Variants in HSPA1L observed in about 807,000 individuals in gnomAD.
The protein encoded by HSPA1L is heat shock protein family A (Hsp70) member 1 like, also known as heat shock 70 kDa protein 1-like.
HSPA1L carries 21 observed loss-of-function variants against 31.5 expected under a neutral mutation model. That is an observed-to-expected ratio of 0.67 (90% CI 0.47 to 0.96). The LOEUF (loss-of-function observed/expected upper bound fraction) is 0.96. Ranked by LOEUF, HSPA1L falls within the 40% of genes least tolerant of loss-of-function variation. HSPA1L has a pLI of 0.00. For synonymous variants in HSPA1L, 293 were observed against 323.1 expected (o/e 0.91, Z 1.00); for missense variants, 709 against 813.4 (o/e 0.87, Z 1.56).
chr6:31,813,485 A>G (rs1301553719), intron 1 of HSPA1L, among the ~76,000 whole-genome samples: 1 of 152,140 alleles, frequency 6.6e-6, no homozygotes, highest in African/African-American at 2.4e-5. Flanking sequence ...TTGTATTTTT[A>G]GTAAAAACAG....
intron 1 of HSPA1L, among the ~76,000 whole-genome samples, chr6:31,814,666 T>G: frequency 8.0e-6 from 1 of 125,382 alleles, no homozygotes; most frequent in South Asian, 2.9e-4. Flanking sequence ...CCTCCCCATT[T>G]CCCCGACAGG....
At position 31,810,902 on chromosome 6, in the gene HSPA1L, A is replaced by G. The variant is rs1581694801; in HGVS notation, c.1071T>C (p.Asn357=). ...KVQRLLQDYF[N]GRDLNKSINP... Reference sequence around the variant, plus strand: ...TGATGCTCTTGTTGAGATCACGTCCATTGAAGTAGTCCTGAAGCAGCCGCT... The same window carrying G: ...TGATGCTCTTGTTGAGATCACGTCCGTTGAAGTAGTCCTGAAGCAGCCGCT... The change falls in exon 2 of 2, where the codon AAT becomes AAC. Residue 357 remains asparagine (N), a synonymous_variant. Coordinates refer to ENST00000375654, the MANE Select transcript of HSPA1L (RefSeq NM_005527.4). 5.6e-6 allele frequency: 9 copies of G among 1,614,124 alleles called. No individual in the cohort carries two copies. The highest frequency in any genetic ancestry group is 7.6e-6 in the Non-Finnish European group (9 of 1,180,018).
At position 31,810,941 on chromosome 6, in the gene HSPA1L, G is replaced by T; in HGVS notation, c.1032C>A (p.Arg344=). 6.2e-7 allele frequency: 1 copy of T among 1,614,144 alleles called. No homozygotes were observed. The highest frequency in any genetic ancestry group is 8.5e-7 in the Non-Finnish European group (1 of 1,180,018). Reference sequence around the variant, plus strand: ...GAAGCAGCCGCTGCACCTTGGGGATGCGGGTGGAGCCCCCTACTAAAACAA... The same window carrying T: ...GAAGCAGCCGCTGCACCTTGGGGATTCGGGTGGAGCCCCCTACTAAAACAA... The part of the protein sequence containing the change: ...HDIVLVGGST[R]IPKVQRLLQD... Residue 344 remains arginine (R), a synonymous_variant, in exon 2 of 2, where the codon CGC becomes CGA. Coordinates refer to ENST00000375654, the MANE Select transcript of HSPA1L (RefSeq NM_005527.4).
Position 31,812,070 on chromosome 6 carries a change from C to T in HSPA1L, c.-13-85G>A, listed in dbSNP as rs541693232. ...TTGAGACAGGGTCTTCCTCTGTCAC[C>T]CAGGTTGGAGTGCAGAGGCGCAGTC... On this transcript the variant is annotated intron_variant, in intron 1 of 1. Coordinates refer to ENST00000375654, the MANE Select transcript of HSPA1L (RefSeq NM_005527.4). 3.0e-3 allele frequency: 4,460 copies of T among 1,479,700 alleles called. 11 individuals carry two copies. Among genetic ancestry groups the T allele is most frequent in the Middle Eastern group, 4.0e-3 (19 of 4,782 alleles). The allele number at this position is 1,479,700 out of a possible 1,614,324, so 91.7% of individuals were successfully genotyped here.
chr6:31,814,798 T>G (rs1490387944), intron 1 of HSPA1L, 91 bp downstream of exon 1: 1 of 690,012 alleles, frequency 1.4e-6, no homozygotes, highest in African/African-American at 2.0e-5. Flanking sequence ...ACCTCAGGCT[T>G]AAACCAACTA....
chr6:31,810,782 G>C lies in HSPA1L; in HGVS notation c.1191C>G (p.Asp397Glu). The C allele has an allele frequency of 6.2e-7, 1 of 1,614,112 alleles. No individual in the cohort carries two copies. The highest frequency in any genetic ancestry group is 8.5e-7 in the Non-Finnish European group (1 of 1,180,018). Reference protein sequence around the residue: ...SEKVQDLLLLDVAPLSLGLET... With the variant: ...SEKVQDLLLLEVAPLSLGLET... ...CCAGCCCCAGGGACAGGGGAGCCAC[G>C]TCCAGCAGCAGCAGGTCCTGTACCT... The change falls in exon 2 of 2, where the codon GAC becomes GAG. Residue 397 changes from aspartate to glutamate, a missense_variant. By Grantham distance (45) the Asp-to-Glu change is conservative. Transcript: ENST00000375654.
chr6:31,811,639 C>G lies in HSPA1L; in HGVS notation c.334G>C (p.Glu112Gln). ...TCCTCAGGGTAGAAAGCTTTATTCT[C>G]CCCTTTGTAGGACACAAGGACTTTG... ...KPKVLVSYKG[E>Q]NKAFYPEEIS... Residue 112 changes from glutamate to glutamine, a missense_variant, in exon 2 of 2, where the codon GAG becomes CAG. Coordinates refer to ENST00000375654, the MANE Select transcript of HSPA1L (RefSeq NM_005527.4). The G allele has an allele frequency of 6.2e-7, 1 of 1,614,186 alleles. No individual in the cohort carries two copies. The highest frequency in any genetic ancestry group is 8.5e-7 in the Non-Finnish European group (1 of 1,180,030).
At position 31,814,887 on chromosome 6, in the gene HSPA1L, A is replaced by C; in HGVS notation, c.-14+2T>G. 2.9e-5 allele frequency: 29 copies of C among 985,356 alleles called. No homozygotes were observed. The highest frequency in any genetic ancestry group is 3.5e-5 in the Non-Finnish European group (29 of 829,938). 61.0% of individuals were successfully genotyped at this position (985,356 alleles called of 1,614,324 possible). ...CAATCAATCAGATCCCTACTGGCTC[A>C]CCTAGTCTCCCGACGCCTTCGCTTC... is the stretch of plus-strand genomic sequence containing the variant. On this transcript the variant is annotated splice_donor_variant, in intron 1 of 1. Transcript: ENST00000375654. LOFTEE classifies it low-confidence loss of function (5UTR_SPLICE).
chr6:31,813,359 A>G (rs1401452593), intron 1 of HSPA1L, among the ~76,000 whole-genome samples: 1 of 152,188 alleles, frequency 6.6e-6, no homozygotes, highest in Non-Finnish European at 1.5e-5. Context: ...GCTGGAGTGC[A>G]GTGGCATGAT....
Position 31,811,274 on chromosome 6 carries a change from C to T in HSPA1L, c.699G>A (p.Glu233=). Residue 233 remains glutamate (E), a synonymous_variant, in exon 2 of 2, where the codon GAG becomes GAA. Coordinates refer to ENST00000375654, the MANE Select transcript of HSPA1L (RefSeq NM_005527.4). ...ATAGDTHLGG[E]DFDNRLVSHF... Reference sequence around the variant, plus strand: ...GGCTCACAAGCCTGTTGTCAAAGTCCTCCCCACCCAGGTGAGTGTCCCCAG... The same window carrying T: ...GGCTCACAAGCCTGTTGTCAAAGTCTTCCCCACCCAGGTGAGTGTCCCCAG... The T allele has an allele frequency of 6.2e-7, 1 of 1,614,128 alleles. No individual in the cohort carries two copies. The highest frequency in any genetic ancestry group is 8.5e-7 in the Non-Finnish European group (1 of 1,180,046).
At position 31,811,064 on chromosome 6, in the gene HSPA1L, T is replaced by C; in HGVS notation, c.909A>G (p.Arg303=). 1 of 1,614,158 alleles carries C rather than the reference T, an allele frequency of 6.2e-7. No homozygotes were observed. The highest frequency in any genetic ancestry group is 8.5e-7 in the Non-Finnish European group (1 of 1,180,022). ...ACAGGTCTGCACACAACTCTTCAAA[T>C]CGAGCTCTGGTGATGGATGTATAGA... ...IDFYTSITRA[R]FEELCADLFR... is the part of the protein sequence containing the mutation. The change falls in exon 2 of 2, where the codon CGA becomes CGG. Residue 303 remains arginine, a synonymous_variant. Transcript: ENST00000375654.
chr6:31,814,877 C>G lies in HSPA1L; in HGVS notation c.-14+12G>C. ...TTCAGGTTCACAATCAATCAGATCC[C>G]TACTGGCTCACCTAGTCTCCCGACG... On this transcript the variant is annotated intron_variant, in intron 1 of 1. Transcript: ENST00000375654. 1 of 984,694 alleles carries G rather than the reference C, an allele frequency of 1.0e-6. No individual in the cohort carries two copies. Among genetic ancestry groups the G allele is most frequent in the Non-Finnish European group, 1.2e-6 (1 of 829,318 alleles). 61.0% of individuals were successfully genotyped at this position (984,694 alleles called of 1,614,324 possible).
chr6:31,812,489 T>G (rs758513786), intron 1 of HSPA1L, among the ~76,000 whole-genome samples: 1 of 151,884 alleles, frequency 6.6e-6, no homozygotes, highest in Non-Finnish European at 1.5e-5. Context: ...CTGGCTAATG[T>G]TTTAATTTTG....
At chr6:31,812,928 C>A (rs1815535769) in intron 1 of HSPA1L, among the ~76,000 whole-genome samples, 1 of 151,890 alleles carries the variant, frequency 6.6e-6, no homozygotes, top group Non-Finnish European at 1.5e-5. Context: ...CTCATAGGAT[C>A]CTTTTGTCTC....
At position 31,810,846 on chromosome 6, in the gene HSPA1L, G is replaced by A. The variant is rs1461660496; in HGVS notation, c.1127C>T (p.Ala376Val). The A allele has an allele frequency of 4.3e-6, 7 of 1,614,062 alleles. No homozygotes were observed. Among genetic ancestry groups the A allele is most frequent in the South Asian group, 2.2e-5 (2 of 91,082 alleles). ...CCCCATCAGGATGGCTGCTTGTACC[G>A]CAGCCCCATATGCTACGGCCTCATC... Reference protein sequence around the residue: ...NPDEAVAYGAAVQAAILMGDK... With the variant: ...NPDEAVAYGAVVQAAILMGDK... Residue 376 changes from alanine (A) to valine (V), a missense_variant, in exon 2 of 2, where the codon GCG (alanine) becomes GTG (valine). Physicochemically the swap from Ala to Val is moderately conservative, Grantham distance 64 (BLOSUM62 0). Coordinates refer to ENST00000375654, the MANE Select transcript of HSPA1L (RefSeq NM_005527.4).
At position 31,811,771 on chromosome 6, in the gene HSPA1L, T is replaced by C. The variant is rs751654845; in HGVS notation, c.202A>G (p.Thr68Ala). 5 of 1,614,112 alleles carry C rather than the reference T, an allele frequency of 3.1e-6. No homozygotes were observed. The highest frequency in any genetic ancestry group is 1.1e-5 in the South Asian group (1 of 91,084). Residue 68 changes from threonine (T) to alanine (A), a missense_variant, in exon 2 of 2, where the codon ACT becomes GCT. Physicochemically the swap from Thr to Ala is moderately conservative, Grantham distance 58. Coordinates refer to ENST00000375654, the MANE Select transcript of HSPA1L (RefSeq NM_005527.4). ...ATCAGACGTTTAGCATCAAAAACAG[T>C]GTTCTGGGGATTCATTGCTACCTGG... ...KNQVAMNPQN[T>A]VFDAKRLIGR... is the part of the protein sequence containing the mutation.
At position 31,810,295 on chromosome 6, in the gene HSPA1L, A is replaced by T. The variant is rs1324473563; in HGVS notation, c.1678T>A (p.Leu560Met). The T allele has an allele frequency of 1.3e-6, 2 of 1,554,464 alleles. No homozygotes were observed. Among genetic ancestry groups the T allele is most frequent in the African/African-American group, 2.7e-5 (2 of 72,840 alleles). ...NMKSVVSDEG[L>M]KGKISESDKN... ...TCAGACTCACTAATCTTGCCCTTCAAACCTTCATCACTCACAACACTCTTC... is the reference window on the plus strand; with the variant it reads ...TCAGACTCACTAATCTTGCCCTTCATACCTTCATCACTCACAACACTCTTC... The change falls in exon 2 of 2, where the codon TTG becomes ATG. Residue 560 changes from leucine (L) to methionine (M), a missense_variant. Physicochemically the swap from Leu to Met is conservative, Grantham distance 15. Coordinates refer to ENST00000375654, the MANE Select transcript of HSPA1L (RefSeq NM_005527.4).
At chr6:31,812,381 C>G (rs1200658386) in intron 1 of HSPA1L, among the ~76,000 whole-genome samples, 1 of 151,960 alleles carries the variant, frequency 6.6e-6, no homozygotes, top group East Asian at 1.9e-4. Flanking sequence ...CTATGTTGGC[C>G]AGGCTGGTCT....
At position 31,811,087 on chromosome 6, in the gene HSPA1L, A is replaced by G; in HGVS notation, c.886T>C (p.Tyr296His). 1.2e-6 allele frequency: 2 copies of G among 1,614,242 alleles called. No individual in the cohort carries two copies. Among genetic ancestry groups the G allele is most frequent in the Non-Finnish European group, 1.7e-6 (2 of 1,180,052 alleles). Residue 296 changes from tyrosine (Y) to histidine (H), a missense_variant, in exon 2 of 2, where the codon TAT becomes CAT. Transcript: ENST00000375654. Reference sequence around the variant, plus strand: ...AATCGAGCTCTGGTGATGGATGTATAGAAGTCAATGCCTTCATAAAGTGAA... The same window carrying G: ...AATCGAGCTCTGGTGATGGATGTATGGAAGTCAATGCCTTCATAAAGTGAA... Reference protein sequence around the residue: ...IDSLYEGIDFYTSITRARFEE... With the variant: ...IDSLYEGIDFHTSITRARFEE...
Sources: allele counts gnomAD v4.1 joint callset (sites outside exome capture counted in the v4.1 genomes callset), GRCh38; gene constraint gnomAD v4.1.1; transcripts MANE v1.5; gene names NCBI Gene and HGNC (gene_info 2026-07-23, HGNC 2026-07-21).